The following LETM1 variants were observed in gnomAD, a reference collection of about 807,000 sequenced individuals.
The protein encoded by LETM1 is mitochondrial proton/calcium exchanger protein.
LETM1 carries 50 observed loss-of-function variants against 74.5 expected under a neutral mutation model. The ratio of observed to expected loss-of-function variants is 0.67; its 90% confidence interval spans 0.53 to 0.85. The LOEUF (loss-of-function observed/expected upper bound fraction) is 0.85. Ranked by LOEUF, LETM1 falls within the 40% of genes least tolerant of loss-of-function variation. The pLI is 0.00. For synonymous variants in LETM1, 446 were observed against 407.1 expected, an observed-to-expected ratio of 1.10 and a Z score of -1.15; for missense variants, 824 against 967.8, an observed-to-expected ratio of 0.85 and a Z score of 1.97.
At position 1,841,548 on chromosome 4, in the gene LETM1, G is replaced by T. The variant is rs145996246; in HGVS notation, c.393C>A (p.Asn131Lys). The T allele has an allele frequency of 0.01, 16,381 of 1,614,210 alleles. 112 individuals are homozygous for T. Among genetic ancestry groups the T allele is most frequent in the South Asian group, 0.016 (1,427 of 91,088 alleles). ...CCGGGCCGCCTTCCTCCAGCTTCTT[G>T]TTCTTGTCCTTCAAGGACTTGAGGG... ...EKSLKSLKDK[N>K]KKLEEGGPVY... is the part of the protein sequence containing the mutation. Residue 131 changes from asparagine to lysine, a missense_variant, in exon 3 of 14, where the codon AAC (asparagine) becomes AAA (lysine). Physicochemically the swap from Asn to Lys is moderately conservative, Grantham distance 94. Transcript: ENST00000302787.
chr4:1,843,521 TC>T (rs1712777767), intron 2 of LETM1, among the ~76,000 whole-genome samples: 1 of 152,148 alleles, frequency 6.6e-6, no homozygotes, highest in Non-Finnish European at 1.5e-5. Flanking sequence ...TCTGGGGACC[TC>T]CCCCAAAAAC....
intron 13 of LETM1, 123 bp from the exon 14 acceptor site, chr4:1,814,696 C>T: frequency 1.3e-6 from 1 of 768,910 alleles, no homozygotes; most frequent in Non-Finnish European, 2.2e-6. Flanking sequence ...CAATCACTGC[C>T]TGCGGGCCCC....
Position 1,836,878 on chromosome 4 carries a change from G to A in LETM1, c.595-306C>T, listed in dbSNP as rs947410499. 2.0e-5 allele frequency among the ~76,000 whole-genome samples: 3 copies of A among 152,142 alleles called. No homozygotes were observed. The highest frequency in any genetic ancestry group is 7.2e-5 in the African/African-American group (3 of 41,422). ...ACCGGCCAGCACTCTGGGCTCGGGG[G>A]CCAGCAAGTGAGGGCTGCAGGCTGA... On this transcript the variant is annotated intron_variant, in intron 3 of 13. Coordinates refer to ENST00000302787, the MANE Select transcript of LETM1 (RefSeq NM_012318.3). This position sits in a 1 kb window ranked among gnomAD's most constrained non-coding sequence, Gnocchi z 5.8.
intron 5 of LETM1, chr4:1,833,261 G>A (rs561996999): frequency 4.6e-4 from 163 of 352,148 alleles, no homozygotes; most frequent in African/African-American, 3.3e-3. Context: ...GTAGAGATGG[G>A]ATTTCACTAT....
chr4:1,850,644 GAA>G (rs535769857), intron 1 of LETM1, among the ~76,000 whole-genome samples: 13 of 74,362 alleles, frequency 1.7e-4, no homozygotes, highest in Admixed American at 3.6e-4. Context: ...CTCTGTCTCA[GAA>G]AAAAAAAAAA....
intron 1 of LETM1, among the ~76,000 whole-genome samples, chr4:1,852,621 T>C (rs1251113144): frequency 1.3e-5 from 2 of 152,144 alleles, no homozygotes; most frequent in Non-Finnish European, 2.9e-5. Flanking sequence ...GGTGCAGTGA[T>C]AACGAATAAC....
At chr4:1,815,631 C>T (rs1020187711) in intron 13 of LETM1, 33 bp downstream of exon 13, 8 of 1,610,410 alleles carry the variant, frequency 5.0e-6, no homozygotes, top group African/African-American at 1.3e-5. Flanking sequence ...GAGCAGGTGG[C>T]GGATGGCCTG....
At chr4:1,854,444 C>T (rs1004300239) in intron 1 of LETM1, among the ~76,000 whole-genome samples, 4 of 149,016 alleles carry the variant, frequency 2.7e-5, no homozygotes, top group South Asian at 2.1e-4. Flanking sequence ...CATGCCACTG[C>T]ACTCCAGCCT....
chr4:1,837,681 T>A (rs1484565646), intron 3 of LETM1, among the ~76,000 whole-genome samples: 1 of 151,168 alleles, frequency 6.6e-6, no homozygotes, highest in Non-Finnish European at 1.5e-5. Context: ...AAACCATCAC[T>A]AAAATCCAAA....
chr4:1,813,530 C>T lies in LETM1; in HGVS notation c.*894G>A, dbSNP rs1188463144. The T allele has an allele frequency of 6.6e-6, 1 of 152,450 alleles. No homozygotes were observed. The highest frequency in any genetic ancestry group is 2.4e-5 in the African/African-American group (1 of 41,462). The allele number at this position is 152,450 out of a possible 1,614,324, so 9.4% of individuals were successfully genotyped here. On this transcript the variant is annotated 3_prime_UTR_variant, in exon 14 of 14. Coordinates refer to ENST00000302787, the MANE Select transcript of LETM1 (RefSeq NM_012318.3). The stretch of plus-strand genomic sequence containing the variant: ...TGCCCTGTGCCGGATCCTCATGCCT[C>T]ATTGACTAGCCTGCTTGCTGAAGGA...
At chr4:1,820,141 G>GC (rs1464007149) in intron 10 of LETM1, among the ~76,000 whole-genome samples, 1 of 152,116 alleles carries the variant, frequency 6.6e-6, no homozygotes, top group African/African-American at 2.4e-5. Flanking sequence ...TCACTATGTT[G>GC]CCCAGGCTGG....
Position 1,823,092 on chromosome 4 carries a change from C to G in LETM1, c.1372G>C (p.Glu458Gln). Residue 458 changes from glutamate (E) to glutamine (Q), a missense_variant, in exon 9 of 14, where the codon GAG becomes CAG. Physicochemically the swap from Glu to Gln is conservative, Grantham distance 29. Coordinates refer to ENST00000302787, the MANE Select transcript of LETM1 (RefSeq NM_012318.3). ...AQVKVAEVEG[E>Q]QVDNKAKLEA... ...AGCTTGGCCTTGTTGTCCACCTGCT[C>G]GCCCTCCACCTCGGCCACTTTCACC... 2 of 1,608,650 alleles carry G rather than the reference C, an allele frequency of 1.2e-6. No homozygotes were observed. The highest frequency in any genetic ancestry group is 1.7e-6 in the Non-Finnish European group (2 of 1,177,092).
chr4:1,851,840 C>T (rs910650880), intron 1 of LETM1, among the ~76,000 whole-genome samples: 2 of 152,230 alleles, frequency 1.3e-5, no homozygotes, highest in Non-Finnish European at 2.9e-5. Flanking sequence ...GATCTGTCCC[C>T]CAGTGACCCT....
chr4:1,826,596 C>A (rs1711996413), intron 6 of LETM1, among the ~76,000 whole-genome samples: 3 of 152,232 alleles, frequency 2.0e-5, no homozygotes, highest in South Asian at 4.1e-4. Flanking sequence ...GCAGGAGTCA[C>A]CTCTGGGGTT....
chr4:1,812,787 G>C lies in LETM1; in HGVS notation c.*1637C>G, dbSNP rs1239525907. On this transcript the variant is annotated 3_prime_UTR_variant, in exon 14 of 14. Transcript: ENST00000302787. ...GCAAAGCCCCTGCAGCACCCGGAGG[G>C]CAAGCTGGCTTTTGGAGGCCATGCG... The C allele has an allele frequency of 6.6e-6, 1 of 152,452 alleles. No homozygotes were observed. The highest frequency in any genetic ancestry group is 1.5e-5 in the Non-Finnish European group (1 of 68,160). The allele number at this position is 152,452 out of a possible 1,614,324, so 9.4% of individuals were successfully genotyped here. A position where few individuals can be genotyped will look rare whatever the true frequency, so the allele number is the denominator to read the frequency against.
chr4:1,814,418 G>A lies in LETM1; in HGVS notation c.*6C>T. ...AGCAGGAGGACAGGTGCCCAGGCCA[G>A]TGGTTCTAGCTCTTCACCTCTGCGA... On this transcript the variant is annotated 3_prime_UTR_variant, in exon 14 of 14. Transcript: ENST00000302787. 6.2e-7 allele frequency: 1 copy of A among 1,614,254 alleles called. No individual in the cohort carries two copies. The highest frequency in any genetic ancestry group is 1.3e-5 in the African/African-American group (1 of 75,086).
At chr4:1,840,680 T>C (rs543561919) in intron 3 of LETM1, among the ~76,000 whole-genome samples, 5 of 148,124 alleles carry the variant, frequency 3.4e-5, no homozygotes, top group East Asian at 4.1e-4. Flanking sequence ...AATAAATAAA[T>C]AAACAAATAA....
rs997001312 is a variant in LETM1 at position 1,812,528 on chromosome 4, G to C, written c.*1896C>G. 6 of 152,240 alleles carry C rather than the reference G, an allele frequency of 3.9e-5. No individual in the cohort carries two copies. Among genetic ancestry groups the C allele is most frequent in the African/African-American group, 1.4e-4 (6 of 41,408 alleles). 9.4% of individuals were successfully genotyped at this position (152,240 alleles called of 1,614,324 possible). A position where few individuals can be genotyped will look rare whatever the true frequency, so the allele number is the denominator to read the frequency against. ...CTGGCCCTGGGCAGGTGTAAGAAAGGACTGTTTTAAGAAGCTTATTACACA... is the reference window on the plus strand; with the variant it reads ...CTGGCCCTGGGCAGGTGTAAGAAAGCACTGTTTTAAGAAGCTTATTACACA... On this transcript the variant is annotated 3_prime_UTR_variant, in exon 14 of 14. Transcript: ENST00000302787.
chr4:1,835,676 G>C (rs1712441900), intron 4 of LETM1, among the ~76,000 whole-genome samples: 1 of 152,162 alleles, frequency 6.6e-6, no homozygotes, highest in African/African-American at 2.4e-5. Context: ...GAACAGGCAG[G>C]GTCCTGATCT....
Sources: allele counts gnomAD v4.1 joint callset (sites outside exome capture counted in the v4.1 genomes callset), GRCh38; gene constraint gnomAD v4.1.1; non-coding constraint Gnocchi (gnomAD v3.1); transcripts MANE v1.5; gene names NCBI Gene and HGNC (gene_info 2026-07-23, HGNC 2026-07-21).